CAMK4: variants seen among roughly 807,000 people sequenced by gnomAD.
CAMK4 encodes the protein calcium/calmodulin dependent protein kinase IV.
A neutral mutation model predicts 44.9 loss-of-function variants in CAMK4; 22 were observed. The observed-to-expected ratio is 0.49, with a 90% CI of 0.35 to 0.70. The LOEUF (loss-of-function observed/expected upper bound fraction) is 0.70, where lower values mean the gene tolerates loss of function less well. CAMK4 is among the 30% of genes least tolerant of loss of function. The pLI, the probability that CAMK4 is intolerant of heterozygous loss-of-function variation, is 0.01. For missense variants in CAMK4, 498 were observed against 586.8 expected (o/e 0.85, Z 1.56); for synonymous variants, 218 against 215.4 (o/e 1.01, Z -0.11).
chr5:111,474,715 G>A (rs1009111139), intron 8 of CAMK4, among the ~76,000 whole-genome samples: 2 of 151,676 alleles, frequency 1.3e-5, no homozygotes, highest in Non-Finnish European at 2.9e-5. Flanking sequence ...ACTGTGGTAG[G>A]GCCCACAAGC....
chr5:111,413,599 G>A (rs1752707308), intron 5 of CAMK4, among the ~76,000 whole-genome samples: 1 of 151,834 alleles, frequency 6.6e-6, no homozygotes, highest in African/African-American at 2.4e-5. Flanking sequence ...AAATTATTAT[G>A]GAGCTAAAGC....
chr5:111,316,081 A>C (rs1166838897), intron 1 of CAMK4, among the ~76,000 whole-genome samples: 1 of 152,158 alleles, frequency 6.6e-6, no homozygotes, highest in South Asian at 2.1e-4. Context: ...CCCTAAGCAA[A>C]CATTACCAAT....
Position 111,224,562 on chromosome 5 carries a change from A to G in CAMK4, c.79A>G (p.Ser27Gly), listed in dbSNP as rs1173499506. 3 of 1,612,244 alleles carry G rather than the reference A, an allele frequency of 1.9e-6. No homozygotes were observed. In the Admixed American group the frequency reaches 5.0e-5, roughly 27 times the overall value. Reference protein sequence around the residue: ...VTASAAPGTASLVPDYWIDGS... With the variant: ...VTASAAPGTAGLVPDYWIDGS... ...CGCCAGTGCGGCCCCGGGGACCGCG[A>G]GCCTCGTCCCGGATTACTGGATCGA... Residue 27 changes from serine to glycine, a missense_variant, in exon 1 of 11, where the codon AGC (serine) becomes GGC (glycine). By Grantham distance (56) the Ser-to-Gly change is moderately conservative (BLOSUM62 0). This residue lies in a region of CAMK4 where 152 missense variants were observed against 143.7 expected (regional missense o/e 1.06). Coordinates refer to ENST00000282356, the MANE Select transcript of CAMK4 (RefSeq NM_001744.6). This position sits in a 1 kb window ranked among gnomAD's most constrained non-coding sequence, Gnocchi z 5.7.
intron 2 of CAMK4, among the ~76,000 whole-genome samples, chr5:111,355,045 T>A (rs78147908): frequency 0.031 from 4,727 of 152,248 alleles, 114 homozygotes; most frequent in South Asian, 0.066. Context: ...CTTACTGATG[T>A]GCTCTGGAAG....
chr5:111,325,962 G>T (rs1377362425), intron 1 of CAMK4, among the ~76,000 whole-genome samples: 5 of 152,062 alleles, frequency 3.3e-5, no homozygotes. Context: ...TACAGCTAAA[G>T]TAGTGTTTAA....
chr5:111,491,274 C>G lies in CAMK4; in HGVS notation c.*6808C>G, dbSNP rs920547329. ...TTGTTTGTGGCTGCTTTTATGTTGT[C>G]AAGGCAGAGTTGAGTACTTTCAACA... On this transcript the variant is annotated 3_prime_UTR_variant, in exon 11 of 11. Coordinates refer to ENST00000282356, the MANE Select transcript of CAMK4 (RefSeq NM_001744.6). The G allele has an allele frequency of 5.9e-5, 9 of 152,080 alleles. No homozygotes were observed. The highest frequency in any genetic ancestry group is 3.9e-4 in the Admixed American group (6 of 15,268). 9.4% of individuals were successfully genotyped at this position (152,080 alleles called of 1,614,324 possible).
At chr5:111,299,016 C>T (rs1747608565) in intron 1 of CAMK4, among the ~76,000 whole-genome samples, 1 of 152,216 alleles carries the variant, frequency 6.6e-6, no homozygotes, top group Non-Finnish European at 1.5e-5. Context: ...AGCTGGGATC[C>T]TAGTAGTGAG....
chr5:111,474,580 T>C (rs1220132395), intron 8 of CAMK4, among the ~76,000 whole-genome samples: 1 of 152,032 alleles, frequency 6.6e-6, no homozygotes, highest in African/African-American at 2.4e-5. Flanking sequence ...AACATATGGA[T>C]TTTGGGGTTG....
chr5:111,398,375 G>A (rs571977863), intron 5 of CAMK4, among the ~76,000 whole-genome samples: 3 of 152,148 alleles, frequency 2.0e-5, no homozygotes, highest in Non-Finnish European at 2.9e-5. Context: ...GGGATAAGGG[G>A]GGTTGTTCTA....
At chr5:111,438,976 G>A (rs1753737292) in intron 5 of CAMK4, among the ~76,000 whole-genome samples, 1 of 152,206 alleles carries the variant, frequency 6.6e-6, no homozygotes, top group Non-Finnish European at 1.5e-5. Flanking sequence ...CCTGACCACA[G>A]TTGGCTGAAC....
At chr5:111,471,280 G>A (rs1755056569) in intron 7 of CAMK4, among the ~76,000 whole-genome samples, 1 of 152,198 alleles carries the variant, frequency 6.6e-6, no homozygotes, top group Non-Finnish European at 1.5e-5. Context: ...TGTCTGTGAT[G>A]TTGACTATTG....
At chr5:111,336,269 G>T (rs1749399176) in intron 1 of CAMK4, among the ~76,000 whole-genome samples, 1 of 150,980 alleles carries the variant, frequency 6.6e-6, no homozygotes, top group Non-Finnish European at 1.5e-5. Context: ...TGAATCTCAG[G>T]CAATTTTGTG....
chr5:111,380,419 A>G (rs1005133971), intron 4 of CAMK4, among the ~76,000 whole-genome samples: 1 of 152,084 alleles, frequency 6.6e-6, no homozygotes, highest in African/African-American at 2.4e-5. Context: ...AATGTGTGTC[A>G]TGGCGATTTG....
At chr5:111,257,392 A>G (rs570210065) in intron 1 of CAMK4, among the ~76,000 whole-genome samples, 11 of 152,368 alleles carry the variant, frequency 7.2e-5, no homozygotes, top group East Asian at 5.8e-4. Flanking sequence ...AACATATTTT[A>G]AAAAGCTCAA....
At chr5:111,292,264 A>G (rs1277659125) in intron 1 of CAMK4, among the ~76,000 whole-genome samples, 2 of 152,206 alleles carry the variant, frequency 1.3e-5, no homozygotes. Flanking sequence ...GCAACATTCT[A>G]TATTGTTATC....
chr5:111,479,500 T>G (rs1227901648), intron 9 of CAMK4, among the ~76,000 whole-genome samples: 1 of 152,156 alleles, frequency 6.6e-6, no homozygotes, highest in Non-Finnish European at 1.5e-5. Flanking sequence ...AAGCTGACTT[T>G]TGAATCATAG....
chr5:111,346,695 CCATG>C (rs1297104533), intron 2 of CAMK4, among the ~76,000 whole-genome samples: 1 of 151,858 alleles, frequency 6.6e-6, no homozygotes, highest in African/African-American at 2.4e-5. Flanking sequence ...AAGATCTTTT[CCATG>C]CCTCTCTCCT....
chr5:111,357,176 A>T (rs951394987), intron 2 of CAMK4, among the ~76,000 whole-genome samples: 1 of 152,170 alleles, frequency 6.6e-6, no homozygotes. Context: ...CTAAAAACAG[A>T]GGAAACCTCA....
chr5:111,273,676 T>TC (rs1750612845), intron 1 of CAMK4, among the ~76,000 whole-genome samples: 1 of 80,018 alleles, frequency 1.2e-5, no homozygotes, highest in Non-Finnish European at 2.4e-5. Context: ...AAAAAATGCA[T>TC]TTATATATAT....
Sources: gnomAD v4.1 joint callset for allele counts (sites outside exome capture counted in the v4.1 genomes callset) on GRCh38, gnomAD v4.1.1 for gene constraint, gnomAD v4.1.1 regional missense constraint, Gnocchi (gnomAD v3.1) non-coding constraint, MANE v1.5 for transcripts, NCBI Gene and HGNC (gene_info 2026-07-23, HGNC 2026-07-21) for gene names.